Variants in CENPK observed in about 807,000 individuals in gnomAD.
CENPK encodes the protein centromere protein K.
In CENPK, 46 loss-of-function variants were observed where a neutral mutation model predicts 40.9. The observed-to-expected ratio is 1.13, with a 90% CI of 0.89 to 1.44. CENPK has a LOEUF of 1.44. Ranked by LOEUF, CENPK falls within the 40% of genes most tolerant of loss-of-function variation. The pLI is 0.00. For missense variants in CENPK, 288 were observed against 303.5 expected (o/e 0.95, Z 0.38); for synonymous variants, 107 against 104.4 (o/e 1.02, Z -0.15).
chr5:65,509,426 G>A, the CENPK span, among the ~76,000 whole-genome samples: 1 of 152,170 alleles, frequency 6.6e-6, no homozygotes, highest in Non-Finnish European at 1.5e-5. Flanking sequence ...CTCCAACTGA[G>A]TAACTGGCAT....
chr5:65,536,613 A>G (rs1746939526), intron 6 of CENPK, among the ~76,000 whole-genome samples: 3 of 151,398 alleles, frequency 2.0e-5, no homozygotes, highest in African/African-American at 4.8e-5. Flanking sequence ...ACAGAGTAAT[A>G]ACCTGTTTCA....
intron 2 of CENPK, among the ~76,000 whole-genome samples, chr5:65,556,310 A>T (rs1750968240): frequency 6.6e-6 from 1 of 152,032 alleles, no homozygotes; most frequent in African/African-American, 2.4e-5. Context: ...CTATCTCTAT[A>T]AAAAAATTTT....
At chr5:65,552,090 G>A (rs1750177018) in intron 4 of CENPK, among the ~76,000 whole-genome samples, 2 of 151,622 alleles carry the variant, frequency 1.3e-5, no homozygotes, top group Non-Finnish European at 2.9e-5. Context: ...CTCCTGAGTA[G>A]CTGGGATCAT....
intron 9 of CENPK, among the ~76,000 whole-genome samples, chr5:65,524,307 C>G (rs116295506): frequency 6.6e-6 from 1 of 151,302 alleles, no homozygotes; most frequent in East Asian, 1.9e-4. Flanking sequence ...ATCGTGTGAA[C>G]CCGGGAGGTG....
At chr5:65,521,550 C>G in intron 9 of CENPK, 22 bp from the exon 10 acceptor site, 1 of 1,483,716 alleles carries the variant, frequency 6.7e-7, no homozygotes, top group Non-Finnish European at 9.4e-7. Flanking sequence ...ATGTGAATAA[C>G]AAACAATTAC....
chr5:65,503,388 G>A, the CENPK span, among the ~76,000 whole-genome samples: 29,058 of 152,000 alleles, frequency 0.19, 3,424 homozygotes, highest in South Asian at 0.32. Context: ...CTGCAGGCGT[G>A]AGCCATTATG....
intron 5 of CENPK, among the ~76,000 whole-genome samples, chr5:65,550,139 G>C (rs971716707): frequency 2.2e-5 from 3 of 137,794 alleles, no homozygotes; most frequent in Non-Finnish European, 3.0e-5. Flanking sequence ...CTGCACTCCA[G>C]CCTGAGGGCA....
chr5:65,535,400 T>A (rs1237120776), intron 6 of CENPK, among the ~76,000 whole-genome samples: 3 of 152,224 alleles, frequency 2.0e-5, no homozygotes, highest in African/African-American at 7.2e-5. Flanking sequence ...CTCTACTTGA[T>A]GAGCATTTTT....
intron 5 of CENPK, among the ~76,000 whole-genome samples, chr5:65,543,819 TTGAATC>T (rs1561667431): frequency 1.3e-5 from 2 of 152,232 alleles, no homozygotes; most frequent in Non-Finnish European, 2.9e-5. Context: ...AATGTGTACT[TTGAATC>T]TGAATAGAGA....
At chr5:65,527,929 C>T (rs1364561943) in intron 9 of CENPK, among the ~76,000 whole-genome samples, 1 of 152,106 alleles carries the variant, frequency 6.6e-6, no homozygotes, top group African/African-American at 2.4e-5. Context: ...ATGGATATAA[C>T]ATAAGAAATA....
At chr5:65,533,265 G>C (rs1561645097) in intron 6 of CENPK, among the ~76,000 whole-genome samples, 2 of 151,946 alleles carry the variant, frequency 1.3e-5, no homozygotes, top group East Asian at 1.9e-4. Context: ...CAGGAGAATT[G>C]CTTGAACCCA....
chr5:65,562,108 G>A (rs188986133), intron 1 of CENPK, among the ~76,000 whole-genome samples: 9 of 152,134 alleles, frequency 5.9e-5, no homozygotes, highest in Admixed American at 3.9e-4. Flanking sequence ...AACCCGGAAG[G>A]AATTAGTCCA....
At chr5:65,536,508 C>T (rs1373141384) in intron 6 of CENPK, among the ~76,000 whole-genome samples, 3 of 152,002 alleles carry the variant, frequency 2.0e-5, no homozygotes, top group Admixed American at 1.3e-4. Flanking sequence ...CACACCTGTA[C>T]TCCTAGCTAC....
chr5:65,550,136 C>A (rs866709044), intron 5 of CENPK, among the ~76,000 whole-genome samples: 1 of 143,906 alleles, frequency 6.9e-6, no homozygotes. Context: ...CCACTGCACT[C>A]CAGCCTGAGG....
At chr5:65,516,587 C>T (rs1742871636), downstream of CENPK, among the ~76,000 whole-genome samples, 1 of 152,036 alleles carries the variant, frequency 6.6e-6, no homozygotes, top group Non-Finnish European at 1.5e-5. Flanking sequence ...GTGGTTACCC[C>T]AAGGCAGAGA....
the CENPK span, among the ~76,000 whole-genome samples, chr5:65,500,724 G>A: frequency 1.5e-4 from 23 of 152,220 alleles, no homozygotes; most frequent in Non-Finnish European, 2.4e-4. Flanking sequence ...GAGCAGTGGC[G>A]CAATCTTGGC....
the CENPK span, among the ~76,000 whole-genome samples, chr5:65,505,139 G>T: frequency 6.6e-6 from 1 of 151,980 alleles, no homozygotes; most frequent in Admixed American, 6.6e-5. Context: ...GTCTCACTTT[G>T]CTGCCCAGGC....
chr5:65,545,053 C>T (rs1642597627), intron 5 of CENPK, among the ~76,000 whole-genome samples: 1 of 151,930 alleles, frequency 6.6e-6, no homozygotes, highest in South Asian at 2.1e-4. Context: ...TTTCTTTAAA[C>T]TAAACAAAAC....
intron 5 of CENPK, 86 bp from the exon 6 acceptor site, chr5:65,542,934 A>C: frequency 9.4e-7 from 1 of 1,069,124 alleles, no homozygotes; most frequent in Non-Finnish European, 1.4e-6. Context: ...TTTCTAAGAT[A>C]CTTCTTTCCA....
Sources: allele counts gnomAD v4.1 joint callset (sites outside exome capture counted in the v4.1 genomes callset), GRCh38; gene constraint gnomAD v4.1.1; transcripts MANE v1.5; gene names NCBI Gene and HGNC (gene_info 2026-07-23, HGNC 2026-07-21).